COMMD9: variants seen among roughly 807,000 people sequenced by gnomAD.
COMMD9 encodes COMM domain containing 9.
Under a neutral mutation model 23.4 loss-of-function variants are expected in COMMD9, and 22 were observed. The ratio of observed to expected loss-of-function variants is 0.94; its 90% CI spans 0.67 to 1.34. The LOEUF is 1.34. Ranked by LOEUF, COMMD9 falls within the 40% of genes most tolerant of loss-of-function variation. The probability of loss-of-function intolerance (pLI) is 0.00; values close to 1 mark genes in which losing one functional copy is unlikely to be tolerated. For synonymous variants in COMMD9, 99 were observed against 97.4 expected (o/e 1.02, Z -0.10); for missense variants, 231 against 240.2 (o/e 0.96, Z 0.25).
rs570478324 is a variant in COMMD9, at chr11:36,274,448, G to C, written c.*184C>G. On this transcript the variant is annotated 3_prime_UTR_variant, in exon 6 of 6. Coordinates refer to ENST00000263401, the MANE Select transcript of COMMD9 (RefSeq NM_014186.4). ...TCAGAAAGAGAAAGAAGATGAGTGA[G>C]AACAGCGGGGGATCTGGCTGCTTCT... is the stretch of plus-strand genomic sequence containing the variant. The C allele has an allele frequency of 7.6e-6, 6 of 787,670 alleles. No individual in the cohort carries two copies. The highest frequency in any genetic ancestry group is 1.3e-5 in the Non-Finnish European group (6 of 451,910). The allele number at this position is 787,670 out of a possible 1,614,324, so 48.8% of individuals were successfully genotyped here. A position where few individuals can be genotyped will look rare whatever the true frequency, so the allele number is the denominator to read the frequency against.
intron 1 of COMMD9, among the ~76,000 whole-genome samples, chr11:36,281,216 C>A (rs951472383): frequency 1.3e-5 from 2 of 152,100 alleles, no homozygotes; most frequent in African/African-American, 4.8e-5. Flanking sequence ...GGGGGAAAAA[C>A]GCTACAATAA....
Position 36,274,790 on chromosome 11 carries a change from C to T in COMMD9, c.457-18G>A. On this transcript the variant is annotated intron_variant, in intron 5 of 5. Coordinates refer to ENST00000263401, the MANE Select transcript of COMMD9 (RefSeq NM_014186.4). ...TCTTGGATCTGAAACGAGAACACAG[C>T]CCAGAAAGTCAAAGCTGCCTCTTTT... 1 of 1,613,706 alleles carries T rather than the reference C, an allele frequency of 6.2e-7. No homozygotes were observed. The highest frequency in any genetic ancestry group is 8.5e-7 in the Non-Finnish European group (1 of 1,179,718).
In COMMD9 at chr11:36,274,747, C is replaced by G. The variant is rs750912709; in HGVS notation, c.482G>C (p.Gly161Ala). The G allele has an allele frequency of 1.7e-5, 27 of 1,614,144 alleles. No individual in the cohort carries two copies. The highest frequency in any genetic ancestry group is 2.2e-5 in the Non-Finnish European group (26 of 1,180,044). The change falls in exon 6 of 6, where the codon GGA becomes GCA. Residue 161 changes from glycine to alanine, a missense_variant. Coordinates refer to ENST00000263401, the MANE Select transcript of COMMD9 (RefSeq NM_014186.4). Reference sequence around the variant, plus strand: ...GACAGCTGAGATGGAGGGTTTGTCTCCGCATAGGCTGGGATCTTCTTGGAT... The same window carrying G: ...GACAGCTGAGATGGAGGGTTTGTCTGCGCATAGGCTGGGATCTTCTTGGAT... ...MKIQEDPSLC[G>A]DKPSISAVTV...
Position 36,289,342 on chromosome 11 carries a change from TC to T in COMMD9, c.51+19del. On this transcript the variant is annotated intron_variant, in intron 1 of 5. Transcript: ENST00000263401. ...GGAGACAAAGGGCCACCTCACGCTG[TC>T]CCCACCCCTTCGACTTACCTTGAGC... 6.4e-7 allele frequency: 1 copy of T among 1,550,614 alleles called. No homozygotes were observed. The highest frequency in any genetic ancestry group is 1.2e-5 in the South Asian group (1 of 83,932).
intron 4 of COMMD9, 144 bp downstream of exon 4, chr11:36,276,945 G>GA (rs1342617708): frequency 1.6e-5 from 8 of 511,668 alleles, no homozygotes; most frequent in Non-Finnish European, 2.6e-5. Flanking sequence ...TAGAATTAGG[G>GA]AAAAAACCCA....
chr11:36,277,203 C>T, intron 3 of COMMD9, 80 bp from the exon 4 acceptor site: 5 of 1,053,996 alleles, frequency 4.7e-6, no homozygotes, highest in Non-Finnish European at 6.7e-6. Context: ...GGAACTGGCC[C>T]TTCCTGTGAT....
At position 36,288,431 on chromosome 11, in the gene COMMD9, G is replaced by C. The variant is rs2028904; in HGVS notation, c.51+931C>G. On this transcript the variant is annotated intron_variant, in intron 1 of 5. Transcript: ENST00000263401. ...ATCTTACATTCTTATGAGACAGACG[G>C]ACAACGGGCAAATAGCTAGCGACAA... is the stretch of plus-strand genomic sequence containing the variant. 1.1e-4 allele frequency among the ~76,000 whole-genome samples: 16 copies of C among 151,932 alleles called. No individual in the cohort carries two copies. The South Asian group carries it at 3.3e-3, about 32-fold the overall frequency.
rs759682646 is a variant in COMMD9, at chr11:36,274,601, G to A, written c.*31C>T. On this transcript the variant is annotated 3_prime_UTR_variant, in exon 6 of 6. Transcript: ENST00000263401. Reference sequence around the variant, plus strand: ...ACATTTATCACTCATGAGCAGCTGGGTCATGGCAGTGGCCCTGGCAGCTGG... The same window carrying A: ...ACATTTATCACTCATGAGCAGCTGGATCATGGCAGTGGCCCTGGCAGCTGG... 1 of 1,613,756 alleles carries A rather than the reference G, an allele frequency of 6.2e-7. No homozygotes were observed. The highest frequency in any genetic ancestry group is 1.7e-5 in the Admixed American group (1 of 60,016).
intron 1 of COMMD9, among the ~76,000 whole-genome samples, chr11:36,285,350 A>G (rs938421721): frequency 6.6e-6 from 1 of 152,172 alleles, no homozygotes; most frequent in African/African-American, 2.4e-5. Context: ...TATTAAGAAA[A>G]TTAAATTCAC....
chr11:36,286,234 C>A (rs1856149028), intron 1 of COMMD9, among the ~76,000 whole-genome samples: 1 of 151,652 alleles, frequency 6.6e-6, no homozygotes, highest in Admixed American at 6.6e-5. Flanking sequence ...TATTTATTAA[C>A]AATGAACATG....
At chr11:36,277,743 A>AG (rs1855999330) in intron 3 of COMMD9, among the ~76,000 whole-genome samples, 1 of 151,990 alleles carries the variant, frequency 6.6e-6, no homozygotes, top group Non-Finnish European at 1.5e-5. Context: ...AAAAAAGATC[A>AG]ATTAAACATA....
rs1855930789 is a variant in COMMD9 at position 36,274,285 on chromosome 11, G to A, written c.*347C>T. On this transcript the variant is annotated 3_prime_UTR_variant, in exon 6 of 6. Coordinates refer to ENST00000263401, the MANE Select transcript of COMMD9 (RefSeq NM_014186.4). ...GGAAATAAACTTACTTATTGGATAG[G>A]CTGCATGATTTGGGCCTGAATTTCT... The A allele has an allele frequency of 1.9e-6, 1 of 517,610 alleles. No homozygotes were observed. Among genetic ancestry groups the A allele is most frequent in the Non-Finnish European group, 3.7e-6 (1 of 267,742 alleles). 32.1% of individuals were successfully genotyped at this position (517,610 alleles called of 1,614,324 possible).
rs1055840587 is a variant in COMMD9 at position 36,289,348 on chromosome 11, C to G, written c.51+14G>C. On this transcript the variant is annotated intron_variant, in intron 1 of 5. Transcript: ENST00000263401. ...AAAGGGCCACCTCACGCTGTCCCCA[C>G]CCCTTCGACTTACCTTGAGCAGGCT... The G allele has an allele frequency of 2.6e-6, 4 of 1,547,512 alleles. No homozygotes were observed. The highest frequency in any genetic ancestry group is 3.9e-5 in the Admixed American group (2 of 50,730).
At chr11:36,289,158 T>C (rs1380840929) in intron 1 of COMMD9, among the ~76,000 whole-genome samples, 1 of 152,130 alleles carries the variant, frequency 6.6e-6, no homozygotes, top group Non-Finnish European at 1.5e-5. Context: ...TTTATTTTTT[T>C]TTATCTTACG....
chr11:36,283,960 G>C (rs1856107662), intron 1 of COMMD9, among the ~76,000 whole-genome samples: 1 of 152,104 alleles, frequency 6.6e-6, no homozygotes, highest in South Asian at 2.1e-4. Context: ...ATAAAAATTA[G>C]CCAGGCATGG....
rs779259953 is a variant in COMMD9, at chr11:36,278,523, G to A, written c.271C>T (p.His91Tyr). 1 of 1,614,126 alleles carries A rather than the reference G, an allele frequency of 6.2e-7. No individual in the cohort carries two copies. Among genetic ancestry groups the A allele is most frequent in the Non-Finnish European group, 8.5e-7 (1 of 1,179,934 alleles). The stretch of plus-strand genomic sequence containing the variant: ...GTCAGCAGGTTTTTGAGGTTTTGGT[G>A]GAAATTTTCTGGAAAGAGAGCCAGA... Reference protein sequence around the residue: ...AILALFPENFHQNLKNLLTKI... With the variant: ...AILALFPENFYQNLKNLLTKI... Residue 91 changes from histidine (H) to tyrosine (Y), a missense_variant, in exon 3 of 6, where the codon CAC (histidine) becomes TAC (tyrosine). By Grantham distance (83) the His-to-Tyr change is moderately conservative. Coordinates refer to ENST00000263401, the MANE Select transcript of COMMD9 (RefSeq NM_014186.4).
intron 4 of COMMD9, 79 bp downstream of exon 4, chr11:36,277,010 A>G (rs1478966824): frequency 7.6e-7 from 1 of 1,314,628 alleles, no homozygotes; most frequent in Non-Finnish European, 1.0e-6. Flanking sequence ...TTCTGCCAAA[A>G]TCTCTGATCA....
At chr11:36,288,580 A>C (rs1256348383) in intron 1 of COMMD9, among the ~76,000 whole-genome samples, 1 of 152,136 alleles carries the variant, frequency 6.6e-6, no homozygotes, top group Non-Finnish European at 1.5e-5. Context: ...AGGCGAGTGG[A>C]TCACGCGGTC....
At chr11:36,281,159 C>T (rs1590402028) in intron 1 of COMMD9, among the ~76,000 whole-genome samples, 1 of 152,106 alleles carries the variant, frequency 6.6e-6, no homozygotes, top group African/African-American at 2.4e-5. Flanking sequence ...ATATCCCAGA[C>T]TTTCAGCTGA....
Sources: allele counts gnomAD v4.1 joint callset (sites outside exome capture counted in the v4.1 genomes callset), GRCh38; gene constraint gnomAD v4.1.1; transcripts MANE v1.5; gene names NCBI Gene and HGNC (gene_info 2026-07-23, HGNC 2026-07-21).